FAF1: variants seen among roughly 807,000 people sequenced by gnomAD.
FAF1 encodes the protein Fas associated factor 1, also known as FAS-associated factor 1.
A neutral mutation model predicts 92.5 loss-of-function variants in FAF1; 25 were observed. That is an observed-to-expected ratio of 0.27 (90% CI 0.20 to 0.38). The LOEUF is 0.38. Among genes scored for constraint, FAF1 ranks in the 10% least tolerant of loss-of-function variants. FAF1 has a pLI of 1.00. For synonymous variants in FAF1, 234 were observed against 273.2 expected, an observed-to-expected ratio of 0.86 and a Z score of 1.42; for missense variants, 636 against 793.3, an observed-to-expected ratio of 0.80 and a Z score of 2.38.
chr1:50,732,500 T>C (rs958860740), intron 6 of FAF1, among the ~76,000 whole-genome samples: 7 of 152,228 alleles, frequency 4.6e-5, no homozygotes, highest in Non-Finnish European at 1.0e-4. Flanking sequence ...TCTTGGCAAA[T>C]TGTCTTTCAA....
chr1:50,635,186 T>A (rs543081353), intron 8 of FAF1, among the ~76,000 whole-genome samples: 35 of 152,294 alleles, frequency 2.3e-4, no homozygotes, highest in Non-Finnish European at 4.1e-4. Context: ...AGTACCATGA[T>A]GAAAATTTGA....
At position 50,596,170 on chromosome 1, in the gene FAF1, G is replaced by C; in HGVS notation, c.791C>G (p.Thr264Arg). Residue 264 changes from threonine to arginine, a missense_variant, in exon 9 of 19, where the codon ACA becomes AGA. Thr to Arg is a moderately conservative substitution (Grantham distance 71, BLOSUM62 -1). Around this residue, in one of 2 missense-constraint regions of FAF1, gnomAD observed 317 missense variants for 342.4 expected, o/e 0.93. Transcript: ENST00000396153. ...SGLSYPCHRLTVGRRSSPAQT... is the reference protein window; with the variant it reads ...SGLSYPCHRLRVGRRSSPAQT... ...TGCAGGTGAAGATCTTCTTCCCACTGTAAGTCGATGGCAGGGATAAGAGAG... is the reference window on the plus strand; with the variant it reads ...TGCAGGTGAAGATCTTCTTCCCACTCTAAGTCGATGGCAGGGATAAGAGAG... 2 of 1,613,938 alleles carry C rather than the reference G, an allele frequency of 1.2e-6. No homozygotes were observed. The highest frequency in any genetic ancestry group is 1.7e-6 in the Non-Finnish European group (2 of 1,179,874).
At chr1:50,551,588 G>T (rs1649312319) in intron 13 of FAF1, among the ~76,000 whole-genome samples, 1 of 152,172 alleles carries the variant, frequency 6.6e-6, no homozygotes, top group Admixed American at 6.5e-5. Context: ...AGCGATGAAT[G>T]GCAGGCAGCA....
At chr1:50,729,012 ATC>A (rs1658785684) in intron 6 of FAF1, among the ~76,000 whole-genome samples, 1 of 73,024 alleles carries the variant, frequency 1.4e-5, no homozygotes, top group East Asian at 2.4e-4. Flanking sequence ...TTATCTATCT[ATC>A]TATCTATCTA....
chr1:50,584,700 TCAA>T lies in FAF1; in HGVS notation c.949_951del (p.Leu317del). 1 of 1,613,490 alleles carries T rather than the reference TCAA, an allele frequency of 6.2e-7. No homozygotes were observed. Among genetic ancestry groups the T allele is most frequent in the East Asian group, 2.2e-5 (1 of 44,844 alleles). On this transcript the variant is annotated inframe_deletion, in exon 10 of 19. Coordinates refer to ENST00000396153, the MANE Select transcript of FAF1 (RefSeq NM_007051.3). ...TAATACTCACTCATTGGAGATTTTC[TCAA>T]GGCAGATGACGCCATGCCAAATACT... is the stretch of plus-strand genomic sequence containing the variant.
chr1:50,880,966 A>G (rs1644606931), intron 1 of FAF1, among the ~76,000 whole-genome samples: 2 of 152,172 alleles, frequency 1.3e-5, no homozygotes, highest in Non-Finnish European at 2.9e-5. Flanking sequence ...CTTGCTATAT[A>G]AAAGAATTAC....
Position 50,831,856 on chromosome 1 carries a change from G to A in FAF1, c.114+26073C>T, listed in dbSNP as rs534046576. Among the ~76,000 whole-genome samples the A allele has an allele frequency of 7.4e-4, 112 of 150,776 alleles. 1 individual carries two copies. Among genetic ancestry groups the A allele is most frequent in the African/African-American group, 2.6e-3 (108 of 41,082 alleles). The stretch of plus-strand genomic sequence containing the variant: ...AGACACAGAGAAGGCCCTGTGAAGG[G>A]TGGTAATGTGAGCCACTCCCCATCA... On this transcript the variant is annotated intron_variant, in intron 2 of 18. Coordinates refer to ENST00000396153, the MANE Select transcript of FAF1 (RefSeq NM_007051.3).
chr1:50,862,625 C>A (rs1644445435), intron 1 of FAF1, among the ~76,000 whole-genome samples: 1 of 151,768 alleles, frequency 6.6e-6, no homozygotes, highest in South Asian at 2.1e-4. Flanking sequence ...ATTCACCAAC[C>A]AAATATCTGC....
chr1:50,834,128 T>C (rs1644179467), intron 2 of FAF1, among the ~76,000 whole-genome samples: 1 of 152,226 alleles, frequency 6.6e-6, no homozygotes, highest in South Asian at 2.1e-4. Flanking sequence ...TAAAAGGGTG[T>C]AGCACCCCCG....
Position 50,596,217 on chromosome 1 carries a change from C to G in FAF1, c.745-1G>C. On this transcript the variant is annotated splice_acceptor_variant, in intron 8 of 18. Coordinates refer to ENST00000396153, the MANE Select transcript of FAF1 (RefSeq NM_007051.3). LOFTEE classifies it high-confidence loss of function. ...AGAGCCCTGATTCAGCAAGACACATCTGCAAAAAGTAGAATCCATCATTTG... is the reference window on the plus strand; with the variant it reads ...AGAGCCCTGATTCAGCAAGACACATGTGCAAAAAGTAGAATCCATCATTTG... 6.2e-7 allele frequency: 1 copy of G among 1,606,210 alleles called. No homozygotes were observed. The highest frequency in any genetic ancestry group is 1.1e-5 in the South Asian group (1 of 90,274).
At chr1:50,642,882 C>A (rs1193269434) in intron 8 of FAF1, among the ~76,000 whole-genome samples, 1 of 151,550 alleles carries the variant, frequency 6.6e-6, no homozygotes, top group African/African-American at 2.4e-5. Flanking sequence ...ATTCTGTTGC[C>A]CAGGTTAGAG....
intron 1 of FAF1, among the ~76,000 whole-genome samples, chr1:50,858,359 T>C (rs1415624241): frequency 6.6e-6 from 1 of 151,838 alleles, no homozygotes; most frequent in Non-Finnish European, 1.5e-5. Flanking sequence ...ATGCACTTTA[T>C]ATAAAAACTA....
chr1:50,715,558 A>C (rs1048473441), intron 6 of FAF1, among the ~76,000 whole-genome samples: 2 of 152,246 alleles, frequency 1.3e-5, no homozygotes, highest in Admixed American at 6.5e-5. Flanking sequence ...TACCTATGCC[A>C]TTAACAGTTC....
intron 4 of FAF1, among the ~76,000 whole-genome samples, chr1:50,779,444 A>G (rs761663684): frequency 6.6e-6 from 1 of 152,188 alleles, no homozygotes; most frequent in Non-Finnish European, 1.5e-5. Context: ...TTGAATAACA[A>G]GACTTGAAAT....
At chr1:50,760,699 G>C (rs564347037) in intron 4 of FAF1, among the ~76,000 whole-genome samples, 1 of 152,074 alleles carries the variant, frequency 6.6e-6, no homozygotes, top group South Asian at 2.1e-4. Context: ...TATGTAGAGG[G>C]AAATTTATAG....
intron 4 of FAF1, among the ~76,000 whole-genome samples, chr1:50,766,138 A>G (rs1423651238): frequency 6.6e-6 from 1 of 152,192 alleles, no homozygotes; most frequent in Non-Finnish European, 1.5e-5. Flanking sequence ...GAGTAGAAAC[A>G]ATAAAAAACT....
intron 15 of FAF1, among the ~76,000 whole-genome samples, chr1:50,517,656 C>T (rs1301840996): frequency 6.6e-6 from 1 of 152,178 alleles, no homozygotes; most frequent in Non-Finnish European, 1.5e-5. Flanking sequence ...AACTCCCACA[C>T]CAATGGCTGC....
chr1:50,748,823 G>T (rs1659733304), intron 4 of FAF1, among the ~76,000 whole-genome samples: 1 of 152,100 alleles, frequency 6.6e-6, no homozygotes, highest in South Asian at 2.1e-4. Context: ...CATATTAAAA[G>T]AAGAAAAATA....
At chr1:50,524,381 T>C (rs999464386) in intron 15 of FAF1, among the ~76,000 whole-genome samples, 6 of 152,236 alleles carry the variant, frequency 3.9e-5, no homozygotes, top group Non-Finnish European at 7.3e-5. Context: ...AGAAGGTATT[T>C]AGTTTAATTA....
Sources: allele counts gnomAD v4.1 joint callset (sites outside exome capture counted in the v4.1 genomes callset), GRCh38; gene constraint gnomAD v4.1.1; regional missense constraint gnomAD v4.1.1; transcripts MANE v1.5; gene names NCBI Gene and HGNC (gene_info 2026-07-23, HGNC 2026-07-21).